N4BP2: variants seen among roughly 807,000 people sequenced by gnomAD.
N4BP2 encodes NEDD4-binding protein 2.
N4BP2 carries 91 observed loss-of-function variants against 152.8 expected under a neutral mutation model. The observed-to-expected ratio is 0.60, with a 90% confidence interval of 0.50 to 0.71. N4BP2 has a LOEUF of 0.71. Among genes scored for constraint, N4BP2 ranks in the 30% least tolerant of loss-of-function variants. The pLI is 0.00. For missense variants in N4BP2, 1,923 were observed against 2,059.1 expected (o/e 0.93, Z 1.28); for synonymous variants, 646 against 705.3 (o/e 0.92, Z 1.33).
At chr4:40,179,759 CTTTTTTTTTT>C in the N4BP2 span, among the ~76,000 whole-genome samples, 6 of 109,130 alleles carry the variant, frequency 5.5e-5, no homozygotes, top group African/African-American at 2.0e-4. Context: ...TAAAGCCTTT[CTTTTTTTTTT>C]TTTTTTTTTT....
chr4:40,069,010 C>T (rs1239764345), intron 1 of N4BP2, among the ~76,000 whole-genome samples: 1 of 151,924 alleles, frequency 6.6e-6, no homozygotes, highest in East Asian at 1.9e-4. Context: ...ATCCTAGCTC[C>T]TCGGGAGGCT....
intron 5 of N4BP2, among the ~76,000 whole-genome samples, chr4:40,111,073 G>T (rs1389752282): frequency 6.6e-6 from 1 of 151,986 alleles, no homozygotes; most frequent in East Asian, 1.9e-4. Flanking sequence ...GTGTATATTT[G>T]TCCATTTGTT....
downstream of N4BP2, among the ~76,000 whole-genome samples, chr4:40,158,569 G>A (rs1256712218): frequency 1.3e-5 from 2 of 152,022 alleles, no homozygotes; most frequent in Non-Finnish European, 2.9e-5. Context: ...AGGCTGAGAC[G>A]GGCAGGTTGC....
chr4:40,140,971 A>T (rs1267324840), intron 14 of N4BP2, among the ~76,000 whole-genome samples: 1 of 150,946 alleles, frequency 6.6e-6, no homozygotes, highest in East Asian at 2.0e-4. Flanking sequence ...CAAAATGAAA[A>T]GTCTCCCATG....
chr4:40,118,668 GTTA>G (rs1717578881), intron 8 of N4BP2, among the ~76,000 whole-genome samples: 1 of 152,106 alleles, frequency 6.6e-6, no homozygotes, highest in Non-Finnish European at 1.5e-5. Flanking sequence ...TCTTCTCGCT[GTTA>G]TTATTTTGTA....
At chr4:40,166,945 T>C in the N4BP2 span, 1 of 152,248 alleles carries the variant, frequency 6.6e-6, no homozygotes, top group Non-Finnish European at 1.5e-5. Context: ...CCTTTTATGC[T>C]ATTAAATACT....
At chr4:40,166,631 G>A in the N4BP2 span, 1 of 151,712 alleles carries the variant, frequency 6.6e-6, no homozygotes, top group Non-Finnish European at 1.5e-5. Flanking sequence ...GGAGTTTGTG[G>A]TGAGCCGAGA....
chr4:40,080,585 T>G (rs2109916666), intron 2 of N4BP2, among the ~76,000 whole-genome samples: 1 of 152,140 alleles, frequency 6.6e-6, no homozygotes, highest in East Asian at 1.9e-4. Flanking sequence ...CCTGCCCGCC[T>G]CGGCCTCCCA....
At chr4:40,150,875 CTA>C (rs1269236759) in intron 16 of N4BP2, among the ~76,000 whole-genome samples, 2 of 152,154 alleles carry the variant, frequency 1.3e-5, no homozygotes, top group African/African-American at 4.8e-5. Context: ...ATTTTGGAAA[CTA>C]ATGATATTAA....
intron 8 of N4BP2, 58 bp from the exon 9 acceptor site, chr4:40,119,874 A>G (rs550010916): frequency 3.2e-5 from 24 of 759,416 alleles, no homozygotes; most frequent in Non-Finnish European, 2.6e-5. Flanking sequence ...TTTAAATCAT[A>G]GTATTGATGG....
intron 13 of N4BP2, among the ~76,000 whole-genome samples, chr4:40,135,932 G>T (rs1719342879): frequency 6.6e-6 from 1 of 152,174 alleles, no homozygotes. Flanking sequence ...AATGGAAGAG[G>T]TGAGAGACAT....
chr4:40,136,214 C>A (rs1331247260), intron 13 of N4BP2, among the ~76,000 whole-genome samples: 1 of 151,656 alleles, frequency 6.6e-6, no homozygotes, highest in Non-Finnish European at 1.5e-5. Context: ...GCTTAAAGGT[C>A]TATTGTCTGT....
At chr4:40,070,385 C>A (rs1352570525) in intron 1 of N4BP2, among the ~76,000 whole-genome samples, 1 of 152,142 alleles carries the variant, frequency 6.6e-6, no homozygotes, top group Non-Finnish European at 1.5e-5. Context: ...GACATTCTCC[C>A]TATATAGCCA....
At chr4:40,154,138 C>T (rs1223788858) in intron 17 of N4BP2, 54 bp from the exon 18 acceptor site, 8 of 1,248,948 alleles carry the variant, frequency 6.4e-6, no homozygotes, top group Middle Eastern at 1.9e-4. Context: ...AGGTATATTC[C>T]TTAGCTAATT....
At chr4:40,140,796 C>T (rs375900852) in intron 14 of N4BP2, among the ~76,000 whole-genome samples, 8 of 151,756 alleles carry the variant, frequency 5.3e-5, no homozygotes, top group African/African-American at 9.7e-5. Flanking sequence ...TGACTCTTAA[C>T]GAGCATGCTG....
chr4:40,182,648 A>T, the N4BP2 span, among the ~76,000 whole-genome samples: 3,307 of 151,702 alleles, frequency 0.022, 136 homozygotes, highest in African/African-American at 0.076. Flanking sequence ...AGGTTTCGCC[A>T]TGTTGCCCAG....
Position 40,122,074 on chromosome 4 carries a change from T to C in N4BP2, c.3963T>C (p.Tyr1321=). 6.4e-7 allele frequency: 1 copy of C among 1,564,196 alleles called. No individual in the cohort carries two copies. The highest frequency in any genetic ancestry group is 8.7e-7 in the Non-Finnish European group (1 of 1,154,012). The change falls in exon 9 of 18, where the codon TAT becomes TAC. Residue 1321 remains tyrosine, a synonymous_variant. Coordinates refer to ENST00000261435, the MANE Select transcript of N4BP2 (RefSeq NM_018177.6). The part of the protein sequence containing the change: ...IKRNENFPKD[Y]VKFSDEEEFM... Reference sequence around the variant, plus strand: ...GAAATGAAAATTTTCCAAAGGATTATGTGAAATTTTCAGATGAAGAAGAAT... The same window carrying C: ...GAAATGAAAATTTTCCAAAGGATTACGTGAAATTTTCAGATGAAGAAGAAT...
chr4:40,133,345 C>CT (rs1287995268), intron 13 of N4BP2, among the ~76,000 whole-genome samples: 2 of 151,644 alleles, frequency 1.3e-5, no homozygotes, highest in African/African-American at 2.4e-5. Context: ...TTTCTTTCTC[C>CT]TTTTTTTTGA....
At position 40,152,893 on chromosome 4, in the gene N4BP2, C is replaced by T; in HGVS notation, c.5257C>T (p.His1753Tyr). The T allele has an allele frequency of 6.2e-7, 1 of 1,613,954 alleles. No homozygotes were observed. The highest frequency in any genetic ancestry group is 8.5e-7 in the Non-Finnish European group (1 of 1,179,900). ...KPAVIKYLIS[H>Y]SFRFSEIKPG... ...AGCTGTCATTAAGTACCTCATAAGC[C>T]ATAGCTTCAGGTGAGTGTAGATTTC... The change falls in exon 17 of 18, where the codon CAT becomes TAT. Residue 1753 changes from histidine to tyrosine, a missense_variant. Transcript: ENST00000261435.
Sources: allele counts gnomAD v4.1 joint callset (sites outside exome capture counted in the v4.1 genomes callset), GRCh38; gene constraint gnomAD v4.1.1; transcripts MANE v1.5; gene names NCBI Gene and HGNC (gene_info 2026-07-23, HGNC 2026-07-21).